The following POM121C variants were observed in gnomAD, a reference collection of about 807,000 sequenced individuals.
POM121C encodes the protein POM121 transmembrane nucleoporin C, also known as nuclear envelope pore membrane protein POM 121C.
POM121C carries 20 observed loss-of-function variants against 66.4 expected under a neutral mutation model. That is an observed-to-expected ratio of 0.30 (90% confidence interval 0.21 to 0.44). The LOEUF (loss-of-function observed/expected upper bound fraction) is 0.44. Among genes scored for constraint, POM121C ranks in the 20% least tolerant of loss-of-function variants. The pLI is 1.00. For synonymous variants in POM121C, 286 were observed against 528.0 expected (o/e 0.54, Z 6.28); for missense variants, 580 against 1,225.7 (o/e 0.47, Z 7.87).
intron 13 of POM121C, chr7:75,419,745 C>CA (rs1789618541): frequency 2.7e-6 from 1 of 363,662 alleles, no homozygotes; most frequent in Admixed American, 4.8e-5. Flanking sequence ...CTGGGGCCCC[C>CA]GCCTCCTAGC....
intron 5 of POM121C, among the ~76,000 whole-genome samples, chr7:75,440,216 A>G (rs1554473712): frequency 9.9e-5 from 15 of 152,054 alleles, no homozygotes. Context: ...TGATAAAACT[A>G]CCAAACTCTA....
chr7:75,472,981 G>T (rs1419250109), intron 3 of POM121C, among the ~76,000 whole-genome samples: 1 of 152,194 alleles, frequency 6.6e-6, no homozygotes, highest in Non-Finnish European at 1.5e-5. Context: ...TACTGAACAC[G>T]AATGTCAAAA....
intron 1 of POM121C, among the ~76,000 whole-genome samples, chr7:75,482,646 C>G (rs200822217): frequency 1.3e-5 from 2 of 151,974 alleles, no homozygotes; most frequent in African/African-American, 2.4e-5. Context: ...GTTGTGATCA[C>G]GTCTCTACAC....
intron 3 of POM121C, among the ~76,000 whole-genome samples, chr7:75,472,491 T>C (rs1791917251): frequency 6.6e-6 from 1 of 152,020 alleles, no homozygotes; most frequent in Admixed American, 6.5e-5. Flanking sequence ...CCAGCCTCAG[T>C]GACAGAGTGA....
rs1301393816 is a variant in POM121C at position 75,466,704 on chromosome 7, G to A, written c.-152+8000C>T. Reference sequence around the variant, plus strand: ...CAATTAAACCAAATGTTGGCTCTTCGAAAAGATCAATTAAAAATAAGAAAT... The same window carrying A: ...CAATTAAACCAAATGTTGGCTCTTCAAAAAGATCAATTAAAAATAAGAAAT... On this transcript the variant is annotated intron_variant, in intron 3 of 14. Coordinates refer to ENST00000615331, the MANE Select transcript of POM121C (RefSeq NM_001099415.3). Among the ~76,000 whole-genome samples the A allele has an allele frequency of 4.0e-5, 6 of 148,608 alleles. No homozygotes were observed. In the East Asian group the frequency reaches 9.8e-4, roughly 24 times the overall value.
In POM121C at chr7:75,424,150, G is replaced by A. The variant is rs1789839309; in HGVS notation, c.947C>T (p.Ala316Val). ...PSFTFTLPAA[A>V]TASPPTSLLA... ...GAGGGAGGTGGGTGGGGAGGCAGTT[G>A]CAGCAGCAGGCAGGGTAAAGGTAAA... The change falls in exon 12 of 15, where the codon GCA (alanine) becomes GTA (valine). Residue 316 changes from alanine to valine, a missense_variant. By Grantham distance (64) the Ala-to-Val change is moderately conservative. Transcript: ENST00000615331. The A allele has an allele frequency of 6.2e-7, 1 of 1,612,030 alleles. No homozygotes were observed. The highest frequency in any genetic ancestry group is 1.7e-5 in the Admixed American group (1 of 60,014).
rs150851664 is a variant in POM121C, at chr7:75,470,845, G to C, written c.-152+3859C>G. Among the ~76,000 whole-genome samples the C allele has an allele frequency of 3.1e-4, 47 of 151,918 alleles. No homozygotes were observed. The East Asian group carries it at 8.7e-3, about 28-fold the overall frequency. ...AATGGGGTCTCCCTATGTTGCCCAG[G>C]CTGACCTCGAACCCCTGGGCTCAAG... On this transcript the variant is annotated intron_variant, in intron 3 of 14. Transcript: ENST00000615331.
At position 75,442,228 on chromosome 7, in the gene POM121C, G is replaced by A. The variant is rs1441096650; in HGVS notation, c.-151-581C>T. ...GGTGAACGCGATGGGTCGGCTGGGA[G>A]GGCGGTGTGGAGCGCGGCGCCGGGC... On this transcript the variant is annotated intron_variant, in intron 3 of 14. Transcript: ENST00000615331. 3.6e-6 allele frequency: 5 copies of A among 1,395,046 alleles called. No homozygotes were observed. The African/African-American group carries it at 7.9e-5, about 22-fold the overall frequency. 86.4% of individuals were successfully genotyped at this position (1,395,046 alleles called of 1,614,324 possible).
At chr7:75,476,450 G>A (rs1202309557) in intron 1 of POM121C, among the ~76,000 whole-genome samples, 1 of 152,134 alleles carries the variant, frequency 6.6e-6, no homozygotes, top group Admixed American at 6.6e-5. Context: ...GCATTATCCT[G>A]TTATTTATAA....
intron 3 of POM121C, among the ~76,000 whole-genome samples, chr7:75,448,114 G>C (rs1790889224): frequency 6.6e-6 from 1 of 152,072 alleles, no homozygotes; most frequent in East Asian, 1.9e-4. Context: ...AGTTACTTGG[G>C]AGGCTGAGCT....
At chr7:75,466,552 C>T (rs1285239429) in intron 3 of POM121C, among the ~76,000 whole-genome samples, 2 of 151,410 alleles carry the variant, frequency 1.3e-5, no homozygotes, top group Non-Finnish European at 2.9e-5. Flanking sequence ...TTGCAGTGAG[C>T]CAAGATTGTG....
chr7:75,482,289 T>A (rs1792334996), intron 1 of POM121C, among the ~76,000 whole-genome samples: 1 of 152,216 alleles, frequency 6.6e-6, no homozygotes, highest in African/African-American at 2.4e-5. Flanking sequence ...AAAAGATTCC[T>A]TATTGGTCAG....
intron 3 of POM121C, among the ~76,000 whole-genome samples, chr7:75,474,441 C>T (rs2923702): frequency 2.6e-5 from 4 of 151,952 alleles, no homozygotes; most frequent in African/African-American, 4.8e-5. Context: ...TCTCTAATGG[C>T]GAGGGAGTAA....
intron 1 of POM121C, among the ~76,000 whole-genome samples, chr7:75,482,296 T>G (rs2923716): frequency 1.2e-4 from 18 of 152,288 alleles, no homozygotes; most frequent in Admixed American, 5.2e-4. Context: ...TCCTTATTGG[T>G]CAGGTGTGGT....
intron 1 of POM121C, among the ~76,000 whole-genome samples, chr7:75,478,381 G>A (rs1486539889): frequency 6.6e-6 from 1 of 152,056 alleles, no homozygotes; most frequent in Non-Finnish European, 1.5e-5. Flanking sequence ...AGGCCATGGA[G>A]CAGGGAAGAA....
At chr7:75,442,608 C>A in intron 3 of POM121C, 1 of 1,490,314 alleles carries the variant, frequency 6.7e-7, no homozygotes, top group Non-Finnish European at 8.9e-7. Flanking sequence ...AGCGACAGGC[C>A]GAGAAGCGCC....
At chr7:75,472,829 G>A (rs1336959775) in intron 3 of POM121C, among the ~76,000 whole-genome samples, 1 of 151,560 alleles carries the variant, frequency 6.6e-6, no homozygotes, top group Non-Finnish European at 1.5e-5. Flanking sequence ...AGGAAGGGAG[G>A]GAGGGAGGAA....
chr7:75,472,794 G>C (rs1166875430), intron 3 of POM121C, among the ~76,000 whole-genome samples: 1 of 150,572 alleles, frequency 6.6e-6, no homozygotes, highest in East Asian at 2.0e-4. Context: ...TGACAAGAGC[G>C]AGACACTATC....
chr7:75,426,041 A>G (rs410271), intron 8 of POM121C, among the ~76,000 whole-genome samples: 2 of 150,202 alleles, frequency 1.3e-5, no homozygotes, highest in Admixed American at 6.6e-5. Flanking sequence ...CACCTAGGGG[A>G]TCAGCTCGAG....
Sources: allele counts gnomAD v4.1 joint callset (sites outside exome capture counted in the v4.1 genomes callset), GRCh38; gene constraint gnomAD v4.1.1; transcripts MANE v1.5; gene names NCBI Gene and HGNC (gene_info 2026-07-23, HGNC 2026-07-21).